Variants in CELF2 observed in about 807,000 individuals in gnomAD.
CELF2 encodes the protein CUGBP Elav-like family member 2.
CELF2 carries 8 observed loss-of-function variants against 62.6 expected under a neutral mutation model. That is an observed-to-expected ratio of 0.13 (90% confidence interval 0.07 to 0.23). The LOEUF (loss-of-function observed/expected upper bound fraction) is 0.23, where lower values mean the gene tolerates loss of function less well. Ranked by LOEUF, CELF2 falls within the 10% of genes least tolerant of loss-of-function variation. The pLI is 1.00. For missense variants in CELF2, 333 were observed against 671.0 expected, an observed-to-expected ratio of 0.50 and a Z score of 5.56; for synonymous variants, 258 against 250.0, an observed-to-expected ratio of 1.03 and a Z score of -0.30.
chr10:10,550,934 G>A, the CELF2 span, among the ~76,000 whole-genome samples: 12 of 152,050 alleles, frequency 7.9e-5, no homozygotes, highest in Non-Finnish European at 1.3e-4. Flanking sequence ...CCAACCTCAG[G>A]TGATCCACCT....
the CELF2 span, among the ~76,000 whole-genome samples, chr10:10,712,206 C>A: frequency 6.8e-6 from 1 of 146,068 alleles, no homozygotes; most frequent in Admixed American, 6.8e-5. Flanking sequence ...AAGTTCATGG[C>A]CTTTGAATGG....
chr10:11,325,802 G>T, intron 11 of CELF2, 34 bp from the exon 12 acceptor site: 1 of 1,580,028 alleles, frequency 6.3e-7, no homozygotes, highest in Non-Finnish European at 8.6e-7. Context: ...AGACTCAAGG[G>T]ATACCTTACT....
the CELF2 span, among the ~76,000 whole-genome samples, chr10:10,696,278 T>TG: frequency 2.0e-5 from 3 of 151,946 alleles, no homozygotes; most frequent in East Asian, 5.8e-4. Context: ...GGTGTCAGTG[T>TG]GCCCCTGCTG....
chr10:10,906,602 G>C (rs931961956), intron 1 of CELF2, among the ~76,000 whole-genome samples: 1 of 152,072 alleles, frequency 6.6e-6, no homozygotes. Flanking sequence ...CAATCCAGGG[G>C]GTTCTTAGTT....
chr10:10,675,828 C>T, the CELF2 span, among the ~76,000 whole-genome samples: 1 of 152,182 alleles, frequency 6.6e-6, no homozygotes, highest in South Asian at 2.1e-4. Context: ...TTAGGATTTC[C>T]ATCTCTTTTC....
intron 1 of CELF2, among the ~76,000 whole-genome samples, chr10:11,133,682 G>A (rs989795095): frequency 6.6e-6 from 1 of 152,202 alleles, no homozygotes; most frequent in Admixed American, 6.5e-5. Flanking sequence ...CTTTGTAGGG[G>A]AAATCTGAGT....
At chr10:10,820,312 G>C (rs1425649808) in intron 1 of CELF2, among the ~76,000 whole-genome samples, 1 of 152,106 alleles carries the variant, frequency 6.6e-6, no homozygotes, top group Non-Finnish European at 1.5e-5. Flanking sequence ...TTTAAAAAGG[G>C]AAAAATCTGT....
the CELF2 span, among the ~76,000 whole-genome samples, chr10:10,641,238 G>T: frequency 3.3e-5 from 5 of 152,102 alleles, no homozygotes; most frequent in Non-Finnish European, 7.4e-5. Flanking sequence ...ACATTCTATG[G>T]CTCCACTGCC....
At chr10:11,001,155 A>G (rs1181027288), upstream of CELF2, among the ~76,000 whole-genome samples, 1 of 152,236 alleles carries the variant, frequency 6.6e-6, no homozygotes, top group East Asian at 1.9e-4. Flanking sequence ...TTTACTTAAC[A>G]AATTTTCTAT....
chr10:10,691,166 C>A, the CELF2 span, among the ~76,000 whole-genome samples: 3 of 151,824 alleles, frequency 2.0e-5, no homozygotes, highest in African/African-American at 7.3e-5. Flanking sequence ...CTCCCCCCAC[C>A]CCACAACAGT....
At chr10:10,888,393 C>A (rs898344288) in intron 1 of CELF2, among the ~76,000 whole-genome samples, 1 of 152,178 alleles carries the variant, frequency 6.6e-6, no homozygotes, top group African/African-American at 2.4e-5. Flanking sequence ...GGAACAGTTT[C>A]ATCTCACACC....
At chr10:10,823,898 G>A (rs1028170506) in intron 1 of CELF2, among the ~76,000 whole-genome samples, 4 of 151,852 alleles carry the variant, frequency 2.6e-5, no homozygotes, top group Admixed American at 2.6e-4. Context: ...ATTTCAGATC[G>A]TGTGTGTGTG....
the CELF2 span, among the ~76,000 whole-genome samples, chr10:10,623,824 G>A: frequency 6.6e-6 from 1 of 152,154 alleles, no homozygotes; most frequent in Non-Finnish European, 1.5e-5. Context: ...TCGAAATAGG[G>A]TTTATTATAC....
intron 10 of CELF2, chr10:11,317,410 T>C (rs1467343408): frequency 1.3e-5 from 2 of 152,258 alleles, no homozygotes; most frequent in East Asian, 1.9e-4. Flanking sequence ...AGTGCACATA[T>C]AGACATCTTC....
At chr10:11,204,788 C>T (rs1438050896) in intron 2 of CELF2, among the ~76,000 whole-genome samples, 1 of 152,226 alleles carries the variant, frequency 6.6e-6, no homozygotes, top group African/African-American at 2.4e-5. Flanking sequence ...ATCTCCTCCT[C>T]CCCGTCCTCA....
At chr10:10,962,855 C>G (rs2049682981) in intron 2 of CELF2, among the ~76,000 whole-genome samples, 1 of 152,208 alleles carries the variant, frequency 6.6e-6, no homozygotes, top group Non-Finnish European at 1.5e-5. Flanking sequence ...AAACCCTCAG[C>G]TGATGCTGAA....
chr10:10,933,828 T>C (rs1025209030), intron 2 of CELF2, among the ~76,000 whole-genome samples: 1 of 152,252 alleles, frequency 6.6e-6, no homozygotes, highest in Non-Finnish European at 1.5e-5. Flanking sequence ...CCACATTTTC[T>C]TTATCTGTTC....
At chr10:11,251,697 C>T (rs748240623) in intron 4 of CELF2, among the ~76,000 whole-genome samples, 1 of 152,146 alleles carries the variant, frequency 6.6e-6, no homozygotes, top group Non-Finnish European at 1.5e-5. Context: ...TGAGAGGGGG[C>T]TACAGTGGTG....
chr10:10,897,812 A>C (rs772451098), intron 1 of CELF2, among the ~76,000 whole-genome samples: 1 of 152,232 alleles, frequency 6.6e-6, no homozygotes, highest in East Asian at 1.9e-4. Context: ...GAAAGAAGGC[A>C]GTTGAACTTC....
Sources: allele counts gnomAD v4.1 joint callset (sites outside exome capture counted in the v4.1 genomes callset), GRCh38; gene constraint gnomAD v4.1.1; transcripts MANE v1.5; gene names NCBI Gene and HGNC (gene_info 2026-07-23, HGNC 2026-07-21).